The following MAJIN variants were observed in gnomAD, a reference collection of about 807,000 sequenced individuals.
MAJIN encodes the protein membrane anchored junction protein, also known as membrane-anchored junction protein.
A neutral mutation model predicts 30.2 loss-of-function variants in MAJIN; 27 were observed. The ratio of observed to expected loss-of-function variants is 0.89; its 90% confidence interval spans 0.66 to 1.23. The LOEUF (loss-of-function observed/expected upper bound fraction) is 1.23. Ranked by LOEUF, MAJIN falls within the 50% of genes most tolerant of loss-of-function variation. The pLI is 0.00. For missense variants in MAJIN, 253 were observed against 260.3 expected, an observed-to-expected ratio of 0.97 and a Z score of 0.19; for synonymous variants, 78 against 91.6, an observed-to-expected ratio of 0.85 and a Z score of 0.85.
chr11:64,942,052 G>T (rs2136718972), intron 8 of MAJIN, among the ~76,000 whole-genome samples: 2 of 152,230 alleles, frequency 1.3e-5, no homozygotes, highest in African/African-American at 4.8e-5. Flanking sequence ...TTTACAACCT[G>T]ATTCCAGGCC....
chr11:64,940,460 A>G, intron 9 of MAJIN, 114 bp downstream of exon 9: 2 of 1,045,724 alleles, frequency 1.9e-6, no homozygotes, highest in Non-Finnish European at 3.0e-6. Context: ...GGAGCAAGGC[A>G]CATTACCCAC....
chr11:64,963,935 A>G (rs1945766907), intron 1 of MAJIN, among the ~76,000 whole-genome samples: 1 of 152,128 alleles, frequency 6.6e-6, no homozygotes, highest in Admixed American at 6.5e-5. Flanking sequence ...AGGACAGATG[A>G]CTAGCTGCTC....
intron 1 of MAJIN, among the ~76,000 whole-genome samples, chr11:64,967,998 T>C (rs1259283964): frequency 1.3e-5 from 2 of 152,098 alleles, no homozygotes; most frequent in African/African-American, 4.8e-5. Context: ...CTTGAGGCCT[T>C]CATGGAAAGG....
chr11:64,952,494 T>G (rs2136766692), intron 4 of MAJIN, among the ~76,000 whole-genome samples: 1 of 151,872 alleles, frequency 6.6e-6, no homozygotes, highest in East Asian at 2.0e-4. Context: ...GGCTGTGTTT[T>G]TATACATATT....
In MAJIN at chr11:64,971,926, G is replaced by A. The variant is rs1282858122; in HGVS notation, c.-114C>T. 4 of 152,232 alleles carry A rather than the reference G, an allele frequency of 2.6e-5. No homozygotes were observed. Among genetic ancestry groups the A allele is most frequent in the Non-Finnish European group, 5.9e-5 (4 of 68,050 alleles). 9.4% of individuals were successfully genotyped at this position (152,232 alleles called of 1,614,324 possible). A position where few individuals can be genotyped will look rare whatever the true frequency, so the allele number is the denominator to read the frequency against. ...TCGGCCAGGCTATGTCTCACACACT[G>A]ACTAGGGGTCCTTCGGCCTCAGAAA... On this transcript the variant is annotated 5_prime_UTR_variant, in exon 1 of 11. Coordinates refer to ENST00000301896, the MANE Select transcript of MAJIN (RefSeq NM_001037225.3).
chr11:64,941,378 G>A (rs1044366911), intron 8 of MAJIN, among the ~76,000 whole-genome samples: 4 of 152,154 alleles, frequency 2.6e-5, no homozygotes, highest in East Asian at 1.9e-4. Flanking sequence ...TGTGATGGCC[G>A]GGCATGGTGA....
At chr11:64,956,763 GTT>G (rs398016405) in intron 3 of MAJIN, among the ~76,000 whole-genome samples, 3 of 102,500 alleles carry the variant, frequency 2.9e-5, no homozygotes, top group Admixed American at 1.3e-4. Flanking sequence ...CATATAAGCT[GTT>G]TTTTTTTTTT....
At chr11:64,965,550 T>C (rs530688059) in intron 1 of MAJIN, among the ~76,000 whole-genome samples, 57 of 152,306 alleles carry the variant, frequency 3.7e-4, no homozygotes, top group African/African-American at 1.4e-3. Flanking sequence ...AAACGACCTT[T>C]GGCCAAAAGG....
chr11:64,968,682 A>AT (rs1945849552), intron 1 of MAJIN, among the ~76,000 whole-genome samples: 1 of 151,666 alleles, frequency 6.6e-6, no homozygotes, highest in South Asian at 2.1e-4. Flanking sequence ...ATAAAAAAAA[A>AT]TTAGCTGGGC....
intron 1 of MAJIN, among the ~76,000 whole-genome samples, chr11:64,966,760 C>A (rs1280625752): frequency 1.3e-5 from 2 of 151,376 alleles, no homozygotes; most frequent in Non-Finnish European, 2.9e-5. Context: ...ATGGTGAAAC[C>A]CAGTCCCTAC....
chr11:64,967,616 G>A (rs905493073), intron 1 of MAJIN, among the ~76,000 whole-genome samples: 9 of 152,030 alleles, frequency 5.9e-5, no homozygotes, highest in Non-Finnish European at 8.8e-5. Context: ...ACTCAGTTGA[G>A]AAAAAGCATG....
At position 64,951,776 on chromosome 11, in the gene MAJIN, A is replaced by C. The variant is rs1035351433; in HGVS notation, c.148-1346T>G. ...CAAAACCTTGTCTCAAAAAAAAAAA[A>C]AAAAAAAAAAGATATTGTGTCTTGT... On this transcript the variant is annotated intron_variant, in intron 4 of 10. Coordinates refer to ENST00000301896, the MANE Select transcript of MAJIN (RefSeq NM_001037225.3). 4.1e-4 allele frequency among the ~76,000 whole-genome samples: 62 copies of C among 152,158 alleles called. 1 individual carries two copies. Among genetic ancestry groups the C allele is most frequent in the Admixed American group, 3.7e-3 (57 of 15,248 alleles).
chr11:64,946,188 T>A (rs1483100696), intron 8 of MAJIN: 1 of 1,520,310 alleles, frequency 6.6e-7, no homozygotes, highest in Non-Finnish European at 8.8e-7. Context: ...GAAATGTTAC[T>A]GGCAGAGGCA....
At chr11:64,947,858 CTT>C (rs35160886) in intron 6 of MAJIN, 39 bp from the exon 7 acceptor site, 39,531 of 1,153,234 alleles carry the variant, frequency 0.034, 5 homozygotes, top group Middle Eastern at 0.04. Context: ...AGATTTAAGA[CTT>C]TTTTTTTTTT....
Position 64,938,555 on chromosome 11 carries a change from T to C in MAJIN, c.*20A>G. 5.2e-6 allele frequency: 8 copies of C among 1,535,890 alleles called. No individual in the cohort carries two copies. Among genetic ancestry groups the C allele is most frequent in the Non-Finnish European group, 7.0e-6 (8 of 1,146,784 alleles). ...AGTGGCTGCTCTTCCTGAAGAAATA[T>C]CGAAACGGGAAGAGAGAGCTGCAAG... On this transcript the variant is annotated 3_prime_UTR_variant, in exon 11 of 11. Coordinates refer to ENST00000301896, the MANE Select transcript of MAJIN (RefSeq NM_001037225.3).
At position 64,940,514 on chromosome 11, in the gene MAJIN, G is replaced by A; in HGVS notation, c.546+60C>T. On this transcript the variant is annotated intron_variant, in intron 9 of 10. Transcript: ENST00000301896. The stretch of plus-strand genomic sequence containing the variant: ...GCTCTGTGCTGCTCTACATATCAGA[G>A]AACTACAAGGGAAAGGGTGATTATT... 3 of 1,534,918 alleles carry A rather than the reference G, an allele frequency of 2.0e-6. No individual in the cohort carries two copies. The East Asian group carries it at 6.7e-5, about 35-fold the overall frequency.
At chr11:64,947,918 G>A in intron 6 of MAJIN, 99 bp from the exon 7 acceptor site, 6 of 1,134,160 alleles carry the variant, frequency 5.3e-6, no homozygotes, top group Non-Finnish European at 7.8e-6. Flanking sequence ...GGAGTGCAGT[G>A]GTGCGATCTC....
rs763678033 is a variant in MAJIN at position 64,938,583 on chromosome 11, T to A, written c.*2-10A>T. The A allele has an allele frequency of 2.3e-5, 36 of 1,535,632 alleles. No homozygotes were observed. The South Asian group carries it at 4.2e-4, about 18-fold the overall frequency. ...AAACGGGAAGAGAGAGCTGCAAGAA[T>A]GAGAACAGAGTAGGCTGAGACTCTA... On this transcript the variant is annotated splice_polypyrimidine_tract_variant and intron_variant, in intron 10 of 10. Transcript: ENST00000301896.
chr11:64,954,551 C>T, intron 4 of MAJIN: 1 of 684,260 alleles, frequency 1.5e-6, no homozygotes, highest in Non-Finnish European at 2.7e-6. Flanking sequence ...AAGGTGCTGA[C>T]ATTTCAACTA....
Sources: gnomAD v4.1 joint callset for allele counts (sites outside exome capture counted in the v4.1 genomes callset) on GRCh38, gnomAD v4.1.1 for gene constraint, MANE v1.5 for transcripts, NCBI Gene and HGNC (gene_info 2026-07-23, HGNC 2026-07-21) for gene names.